The following KLF12 variants were observed in gnomAD, a reference collection of about 807,000 sequenced individuals.
KLF12 encodes KLF transcription factor 12, also known as Krueppel-like factor 12.
KLF12 carries 9 observed loss-of-function variants against 37.8 expected under a neutral mutation model. The observed-to-expected ratio is 0.24, with a 90% CI of 0.14 to 0.42. KLF12 has a LOEUF of 0.42. Among genes scored for constraint, KLF12 ranks in the 10% least tolerant of loss-of-function variants. KLF12 has a pLI of 1.00. For synonymous variants in KLF12, 208 were observed against 202.1 expected (o/e 1.03, Z -0.25); for missense variants, 411 against 516.0 (o/e 0.80, Z 1.97).
chr13:74,034,234 T>C (rs948886627), intron 1 of KLF12, among the ~76,000 whole-genome samples: 6 of 146,664 alleles, frequency 4.1e-5, no homozygotes, highest in African/African-American at 1.3e-4. Context: ...GGCGAATTTT[T>C]TGTATTTTTT....
At chr13:73,746,810 C>CTTTTTTTTT (rs776746904) in intron 6 of KLF12, among the ~76,000 whole-genome samples, 3 of 119,832 alleles carry the variant, frequency 2.5e-5, no homozygotes, top group Non-Finnish European at 3.4e-5. Flanking sequence ...TCCCTCCCTC[C>CTTTTTTTTT]TTTTTTTTTT....
chr13:73,875,595 A>G (rs1886666310), intron 3 of KLF12, among the ~76,000 whole-genome samples: 1 of 152,112 alleles, frequency 6.6e-6, no homozygotes. Context: ...AGGAATCTAT[A>G]TATGTTTATT....
At chr13:73,807,779 T>C (rs1402559561) in intron 5 of KLF12, among the ~76,000 whole-genome samples, 1 of 152,192 alleles carries the variant, frequency 6.6e-6, no homozygotes, top group Non-Finnish European at 1.5e-5. Context: ...GCATCTTGTA[T>C]CTTTTCCTCC....
chr13:74,150,131 T>A, the KLF12 span, among the ~76,000 whole-genome samples: 1 of 152,238 alleles, frequency 6.6e-6, no homozygotes, highest in Non-Finnish European at 1.5e-5. Context: ...AGGACTGATT[T>A]TTTTTTCTAT....
chr13:73,829,234 C>T (rs147572330), intron 4 of KLF12, among the ~76,000 whole-genome samples: 38 of 152,040 alleles, frequency 2.5e-4, no homozygotes, highest in African/African-American at 8.7e-4. Context: ...GCACAATTCC[C>T]GGGTAAAGCA....
chr13:73,731,393 G>C (rs762588164), intron 6 of KLF12, among the ~76,000 whole-genome samples: 2 of 151,942 alleles, frequency 1.3e-5, no homozygotes, highest in Non-Finnish European at 2.9e-5. Context: ...TAGAAACTAG[G>C]TAATAAGGAA....
chr13:74,049,056 A>G (rs1222741873), intron 1 of KLF12, among the ~76,000 whole-genome samples: 2 of 152,232 alleles, frequency 1.3e-5, no homozygotes, highest in African/African-American at 4.8e-5. Context: ...ACTGATTGAC[A>G]GTCCACTTGA....
chr13:74,172,169 A>ACACACACACACACC, the KLF12 span, among the ~76,000 whole-genome samples: 2 of 151,946 alleles, frequency 1.3e-5, no homozygotes, highest in African/African-American at 4.8e-5. Context: ...ACACACACAC[A>ACACACACACACACC]CACTCTACTG....
rs1593900752 is a variant in KLF12 at position 74,101,469 on chromosome 13, G to A, written c.-32+32270C>T. Among the ~76,000 whole-genome samples, 3 of 152,196 alleles carry A rather than the reference G, an allele frequency of 2.0e-5. No homozygotes were observed. The East Asian group carries it at 5.8e-4, about 29-fold the overall frequency. On this transcript the variant is annotated intron_variant, in intron 1 of 7. Coordinates refer to ENST00000377669, the MANE Select transcript of KLF12 (RefSeq NM_007249.5). ...CACATATTTCCCAGCTGTCCACCAA[G>A]AGGACTCAGGATCAATGAGCACTCA...
At chr13:74,242,334 G>A in the KLF12 span, among the ~76,000 whole-genome samples, 1 of 152,236 alleles carries the variant, frequency 6.6e-6, no homozygotes, top group African/African-American at 2.4e-5. Flanking sequence ...AGTTCCATGG[G>A]CTGGGGAGGC....
chr13:73,834,062 G>C (rs571286462), intron 4 of KLF12, among the ~76,000 whole-genome samples: 31 of 152,212 alleles, frequency 2.0e-4, no homozygotes, highest in African/African-American at 7.0e-4. Context: ...ACGATGTTGG[G>C]GAAATATTAG....
At chr13:74,111,062 A>C (rs1334568306) in intron 1 of KLF12, among the ~76,000 whole-genome samples, 1 of 151,916 alleles carries the variant, frequency 6.6e-6, no homozygotes, top group Non-Finnish European at 1.5e-5. Flanking sequence ...CTGAGGCAGG[A>C]GAACTGCTTG....
At chr13:74,027,207 A>T (rs1892996863) in intron 1 of KLF12, among the ~76,000 whole-genome samples, 1 of 152,172 alleles carries the variant, frequency 6.6e-6, no homozygotes, top group Non-Finnish European at 1.5e-5. Flanking sequence ...TTGCCTGAGA[A>T]TTTGTGAAGA....
chr13:73,688,894 A>C lies in KLF12; in HGVS notation c.*6596T>G, dbSNP rs188647753. ...ATACAGGCAGACCTCCAGGTCAGAG[A>C]TAGGCGGTTTCACTTTCCTACTCTG... On this transcript the variant is annotated 3_prime_UTR_variant, in exon 8 of 8. Coordinates refer to ENST00000377669, the MANE Select transcript of KLF12 (RefSeq NM_007249.5). 1 of 152,210 alleles carries C rather than the reference A, an allele frequency of 6.6e-6. No individual in the cohort carries two copies. The highest frequency in any genetic ancestry group is 2.4e-5 in the African/African-American group (1 of 41,548). The allele number at this position is 152,210 out of a possible 1,614,324, so 9.4% of individuals were successfully genotyped here. A position where few individuals can be genotyped will look rare whatever the true frequency, so the allele number is the denominator to read the frequency against.
At chr13:74,139,221 C>A in the KLF12 span, among the ~76,000 whole-genome samples, 1 of 152,214 alleles carries the variant, frequency 6.6e-6, no homozygotes, top group African/African-American at 2.4e-5. Flanking sequence ...CTCATTTATT[C>A]TTCAGGTTCT....
the KLF12 span, among the ~76,000 whole-genome samples, chr13:74,246,719 AG>A: frequency 6.6e-6 from 1 of 152,250 alleles, no homozygotes; most frequent in African/African-American, 2.4e-5. Flanking sequence ...GTCTTTGTGC[AG>A]GAAGCCTCCA....
intron 1 of KLF12, among the ~76,000 whole-genome samples, chr13:74,070,966 C>G (rs775166710): frequency 1.3e-5 from 2 of 152,220 alleles, no homozygotes; most frequent in Non-Finnish European, 2.9e-5. Flanking sequence ...CTCTCTAATA[C>G]TGTTAACACA....
chr13:73,743,037 G>C (rs1878113244), intron 6 of KLF12, among the ~76,000 whole-genome samples: 1 of 151,856 alleles, frequency 6.6e-6, no homozygotes, highest in Non-Finnish European at 1.5e-5. Flanking sequence ...AAAAAAAAGG[G>C]AGCCTTTAGT....
chr13:74,121,560 T>TA (rs1292969853), intron 1 of KLF12, among the ~76,000 whole-genome samples: 1 of 151,990 alleles, frequency 6.6e-6, no homozygotes, highest in Non-Finnish European at 1.5e-5. Context: ...TTTTGAAATA[T>TA]AAAAAATAAA....
Sources: allele counts gnomAD v4.1 joint callset (sites outside exome capture counted in the v4.1 genomes callset), GRCh38; gene constraint gnomAD v4.1.1; transcripts MANE v1.5; gene names NCBI Gene and HGNC (gene_info 2026-07-23, HGNC 2026-07-21).